KCNIP1: variants seen among roughly 807,000 people sequenced by gnomAD.
The protein encoded by KCNIP1 is potassium voltage-gated channel interacting protein 1.
A neutral mutation model predicts 33.0 loss-of-function variants in KCNIP1; 18 were observed. The ratio of observed to expected loss-of-function variants is 0.55; its 90% CI spans 0.38 to 0.81. The LOEUF (loss-of-function observed/expected upper bound fraction) is 0.81, where lower values mean the gene tolerates loss of function less well. KCNIP1 is among the 30% of genes least tolerant of loss of function. The probability of loss-of-function intolerance (pLI) is 0.00; values close to 1 mark genes in which losing one functional copy is unlikely to be tolerated. For missense variants in KCNIP1, 238 were observed against 271.6 expected (o/e 0.88, Z 0.87); for synonymous variants, 93 against 98.3 (o/e 0.95, Z 0.32).
intron 1 of KCNIP1, among the ~76,000 whole-genome samples, chr5:170,374,346 A>G (rs532909073): frequency 6.6e-6 from 1 of 152,334 alleles, no homozygotes; most frequent in South Asian, 2.1e-4. Context: ...CTTGCAGGCA[A>G]GCAAATAGAT....
At chr5:170,380,845 C>A (rs1227484993) in intron 1 of KCNIP1, among the ~76,000 whole-genome samples, 2 of 152,186 alleles carry the variant, frequency 1.3e-5, no homozygotes, top group East Asian at 3.8e-4. Context: ...TGGCAACTGC[C>A]ACAACCTCAC....
chr5:170,714,264 A>C lies in KCNIP1; in HGVS notation c.62-4494A>C, dbSNP rs1205686243. Among the ~76,000 whole-genome samples, 4 of 152,196 alleles carry C rather than the reference A, an allele frequency of 2.6e-5. No homozygotes were observed. The South Asian group carries it at 8.3e-4, about 31-fold the overall frequency. ...GCATGTGTGCTGCAAGGCTGGCTAC[A>C]AGCGAGTTTGCAATTTGTGCTTGAG... is the stretch of plus-strand genomic sequence containing the variant. On this transcript the variant is annotated intron_variant, in intron 1 of 7. Transcript: ENST00000328939.
chr5:170,515,709 C>T (rs1383613862), intron 1 of KCNIP1, among the ~76,000 whole-genome samples: 2 of 152,168 alleles, frequency 1.3e-5, no homozygotes, highest in Admixed American at 1.3e-4. Context: ...AGCCAGGATT[C>T]GAACCCAGAT....
chr5:170,570,414 C>A (rs1399548751), intron 1 of KCNIP1, among the ~76,000 whole-genome samples: 3 of 152,202 alleles, frequency 2.0e-5, no homozygotes, highest in African/African-American at 7.2e-5. Context: ...CGCTGTTACA[C>A]TTCCCCACAT....
intron 1 of KCNIP1, among the ~76,000 whole-genome samples, chr5:170,707,855 T>C (rs893715290): frequency 1.3e-5 from 2 of 152,112 alleles, no homozygotes. Context: ...ATGAGAAATG[T>C]ATAAATTCAA....
At chr5:170,569,260 C>G (rs549842965) in intron 1 of KCNIP1, among the ~76,000 whole-genome samples, 1 of 152,360 alleles carries the variant, frequency 6.6e-6, no homozygotes, top group South Asian at 2.1e-4. Flanking sequence ...CCGTTCTGAC[C>G]CAGGTCGATG....
chr5:170,703,533 G>A (rs772877795), intron 1 of KCNIP1, among the ~76,000 whole-genome samples: 1 of 137,622 alleles, frequency 7.3e-6, no homozygotes, highest in Non-Finnish European at 1.5e-5. Context: ...AGTGCTTTAA[G>A]AGGCCGAGGC....
At chr5:170,566,659 G>A (rs1464179828) in intron 1 of KCNIP1, among the ~76,000 whole-genome samples, 2 of 152,194 alleles carry the variant, frequency 1.3e-5, no homozygotes, top group East Asian at 3.9e-4. Flanking sequence ...TTCTGTCTTA[G>A]AGAGTGGGCC....
At chr5:170,667,295 A>G (rs11738989) in intron 1 of KCNIP1, among the ~76,000 whole-genome samples, 10,623 of 148,620 alleles carry the variant, frequency 0.071, 482 homozygotes, top group Non-Finnish European at 0.096. Flanking sequence ...CTGAGCAACA[A>G]GAGTGAAACT....
In KCNIP1 at chr5:170,493,590, T is replaced by C. The variant is rs117715619; in HGVS notation, c.88+139626T>C. Among the ~76,000 whole-genome samples, 72 of 152,252 alleles carry C rather than the reference T, an allele frequency of 4.7e-4. No individual in the cohort carries two copies. The East Asian group carries it at 0.013, about 27-fold the overall frequency. ...GCCCATAGATGGGGTTAGTGAAGCA[T>C]TGTTGGTCAGCTCACCAGGGCACCC... is the stretch of plus-strand genomic sequence containing the variant. On this transcript the variant is annotated intron_variant, in intron 1 of 7. Transcript: ENST00000377360.
chr5:170,700,066 C>T (rs904118911), intron 1 of KCNIP1, among the ~76,000 whole-genome samples: 1 of 152,218 alleles, frequency 6.6e-6, no homozygotes, highest in African/African-American at 2.4e-5. Flanking sequence ...CCTCCCACCC[C>T]TCTGGGCCTT....
intron 1 of KCNIP1, among the ~76,000 whole-genome samples, chr5:170,656,992 C>CTTTTTTTTTTTTTTTTTTT (rs11397076): frequency 1.7e-5 from 2 of 116,440 alleles, no homozygotes; most frequent in African/African-American, 7.2e-5. Flanking sequence ...TTTTTTCTTT[C>CTTTTTTTTTTTTTTTTTTT]TTTCTTTTTT....
chr5:170,494,939 G>A (rs1757280510), intron 1 of KCNIP1, among the ~76,000 whole-genome samples: 1 of 152,214 alleles, frequency 6.6e-6, no homozygotes, highest in Non-Finnish European at 1.5e-5. Flanking sequence ...TCTATAAAAT[G>A]GAGAAAAGAG....
At chr5:170,589,794 TGTGCG>T (rs149120148) in intron 1 of KCNIP1, among the ~76,000 whole-genome samples, 1 of 113,164 alleles carries the variant, frequency 8.8e-6, no homozygotes, top group African/African-American at 3.0e-5. Context: ...TGTGATGTGG[TGTGCG>T]GTGCGGTGCG....
intron 1 of KCNIP1, among the ~76,000 whole-genome samples, chr5:170,656,620 C>G (rs1204234846): frequency 6.6e-6 from 1 of 152,160 alleles, no homozygotes; most frequent in Non-Finnish European, 1.5e-5. Context: ...GTCATGGGAG[C>G]CTGGGAGAGG....
intron 1 of KCNIP1, among the ~76,000 whole-genome samples, chr5:170,476,655 C>T (rs1159051351): frequency 5.9e-5 from 9 of 152,248 alleles, no homozygotes; most frequent in Admixed American, 2.0e-4. Flanking sequence ...GAAATGGCTG[C>T]GGGCCTGAAA....
intron 1 of KCNIP1, chr5:170,382,541 C>G (rs1753115219): frequency 6.6e-6 from 1 of 152,366 alleles, no homozygotes; most frequent in Admixed American, 6.5e-5. Flanking sequence ...TCCACCTAGC[C>G]CTTCCCTCCG....
intron 1 of KCNIP1, among the ~76,000 whole-genome samples, chr5:170,405,734 T>G (rs142601416): frequency 6.6e-6 from 1 of 152,238 alleles, no homozygotes; most frequent in East Asian, 1.9e-4. Flanking sequence ...TTCTTGTCCA[T>G]GTGAGACTGG....
intron 1 of KCNIP1, among the ~76,000 whole-genome samples, chr5:170,560,111 CT>C (rs1756982894): frequency 6.6e-6 from 1 of 152,148 alleles, no homozygotes. Context: ...TGAGTGGCAC[CT>C]GGGGACCTCT....
Sources: gnomAD v4.1 joint callset for allele counts (sites outside exome capture counted in the v4.1 genomes callset) on GRCh38, gnomAD v4.1.1 for gene constraint, MANE v1.5 for transcripts, NCBI Gene and HGNC (gene_info 2026-07-23, HGNC 2026-07-21) for gene names.